SRPX: variants seen among roughly 807,000 people sequenced by gnomAD.
The protein encoded by SRPX is sushi repeat containing protein X-linked.
A neutral mutation model predicts 38.1 loss-of-function variants in SRPX; 24 were observed. That is an observed-to-expected ratio of 0.63 (90% CI 0.46 to 0.89). The LOEUF (loss-of-function observed/expected upper bound fraction) is 0.89. Among genes scored for constraint, SRPX ranks in the 40% least tolerant of loss-of-function variants. The pLI is 0.00. For missense variants in SRPX, 416 were observed against 377.8 expected, an observed-to-expected ratio of 1.10 and a Z score of -0.84; for synonymous variants, 184 against 153.8, an observed-to-expected ratio of 1.20 and a Z score of -1.45.
intron 8 of SRPX, among the ~76,000 whole-genome samples, chrX:38,155,642 G>A (rs1230356955): frequency 3.6e-5 from 4 of 112,365 alleles, no homozygotes; most frequent in African/African-American, 1.3e-4. Flanking sequence ...TTAATTTACC[G>A]AAACTAGCCA....
rs777541665 is a variant in SRPX at position 38,160,979 on chromosome X, G to A, written c.729C>T (p.Asp243=). The A allele has an allele frequency of 8.3e-6, 10 of 1,210,489 alleles. No homozygotes were observed. The South Asian group carries it at 1.6e-4, about 19-fold the overall frequency. Residue 243 remains aspartate (D), a synonymous_variant, in exon 6 of 10, where the codon GAC becomes GAT. Transcript: ENST00000378533. ...TGCAAGTGCCCTTATTCTCAGCTCT[G>A]TCATAGACTGTGTACTGGATCTTGT... ...GDHKIQYTVY[D]RAENKGTCKF...
At chrX:38,220,464 C>G (rs1038677425) in intron 1 of SRPX, among the ~76,000 whole-genome samples, 4 of 113,767 alleles carry the variant, frequency 3.5e-5, no homozygotes, top group Non-Finnish European at 5.6e-5. Flanking sequence ...CTAGGGCTCC[C>G]GTCGCCGCGA....
intron 5 of SRPX, among the ~76,000 whole-genome samples, chrX:38,161,964 G>A (rs941753634): frequency 8.9e-6 from 1 of 112,156 alleles, no homozygotes; most frequent in Admixed American, 9.5e-5. Flanking sequence ...TGTCACCATT[G>A]AGGAAAGCCT....
intron 1 of SRPX, among the ~76,000 whole-genome samples, chrX:38,185,344 A>G (rs1419932858): frequency 8.9e-6 from 1 of 112,079 alleles, no homozygotes; most frequent in Admixed American, 9.5e-5. Context: ...ATTTTGTACT[A>G]TTGGAAGCCA....
At position 38,173,598 on chromosome X, in the gene SRPX, C is replaced by T. The variant is rs192388696; in HGVS notation, c.349+562G>A. ...CTGAGTAGCTGGGATTACAGATGCA[C>T]GCTGCCACACCCAGCTAATTTTTTG... On this transcript the variant is annotated intron_variant, in intron 3 of 9. Coordinates refer to ENST00000378533, the MANE Select transcript of SRPX (RefSeq NM_006307.5). 6.3e-5 allele frequency among the ~76,000 whole-genome samples: 7 copies of T among 111,196 alleles called. No individual in the cohort carries two copies. The East Asian group carries it at 1.7e-3, about 27-fold the overall frequency.
At chrX:38,158,417 T>A (rs913838633) in intron 7 of SRPX, among the ~76,000 whole-genome samples, 13 of 112,103 alleles carry the variant, frequency 1.2e-4, no homozygotes, top group Non-Finnish European at 2.3e-4. Context: ...TGATTTATAA[T>A]CTTGGTTTTC....
intron 5 of SRPX, among the ~76,000 whole-genome samples, chrX:38,161,357 G>A (rs1235445414): frequency 1.8e-5 from 2 of 109,666 alleles, no homozygotes; most frequent in African/African-American, 6.7e-5. Flanking sequence ...TAGGGCCCAA[G>A]TCTCCTCCTT....
chrX:38,162,855 T>C (rs1938289425), intron 5 of SRPX, among the ~76,000 whole-genome samples: 2 of 112,616 alleles, frequency 1.8e-5, no homozygotes, highest in South Asian at 7.4e-4. Flanking sequence ...CTCCTAACCA[T>C]ATTACGCAAG....
At chrX:38,184,138 T>C (rs886517102) in intron 1 of SRPX, among the ~76,000 whole-genome samples, 3 of 111,477 alleles carry the variant, frequency 2.7e-5, no homozygotes, top group Admixed American at 1.9e-4. Flanking sequence ...AGAGTGTTCC[T>C]GCTATCACGC....
At position 38,160,750 on chromosome X, in the gene SRPX, G is replaced by A. The variant is rs146625379; in HGVS notation, c.775+183C>T. On this transcript the variant is annotated intron_variant, in intron 6 of 9. Coordinates refer to ENST00000378533, the MANE Select transcript of SRPX (RefSeq NM_006307.5). Reference sequence around the variant, plus strand: ...AATCTGGCAACACTGACGCCCATCCGGATGTGTATCGTGAAATTCAGGCAT... The same window carrying A: ...AATCTGGCAACACTGACGCCCATCCAGATGTGTATCGTGAAATTCAGGCAT... 3.5e-3 allele frequency among the ~76,000 whole-genome samples: 390 copies of A among 111,278 alleles called. 1 individual carries two copies. The highest frequency in any genetic ancestry group is 4.0e-3 in the Non-Finnish European group (214 of 53,031).
At chrX:38,188,938 C>A (rs760247577) in intron 1 of SRPX, among the ~76,000 whole-genome samples, 1 of 112,037 alleles carries the variant, frequency 8.9e-6, no homozygotes, top group East Asian at 2.8e-4. Flanking sequence ...TCGGTTTCCT[C>A]CCTCAGAATG....
At chrX:38,209,730 C>A (rs1304152094) in intron 1 of SRPX, among the ~76,000 whole-genome samples, 1 of 112,544 alleles carries the variant, frequency 8.9e-6, no homozygotes, top group Non-Finnish European at 1.9e-5. Flanking sequence ...ACCCCAAGGG[C>A]TGTTCCCCAG....
chrX:38,203,140 A>G (rs1472692751), intron 1 of SRPX, among the ~76,000 whole-genome samples: 4 of 112,061 alleles, frequency 3.6e-5, no homozygotes, highest in South Asian at 3.8e-4. Flanking sequence ...CAATTAATCA[A>G]TGCAACCCAT....
chrX:38,212,505 G>A (rs1321517698), intron 1 of SRPX, among the ~76,000 whole-genome samples: 1 of 111,747 alleles, frequency 8.9e-6, no homozygotes, highest in Non-Finnish European at 1.9e-5. Context: ...AAGAATCATT[G>A]GAAGGATCTT....
chrX:38,198,331 G>A (rs1939036456), intron 1 of SRPX, among the ~76,000 whole-genome samples: 2 of 112,059 alleles, frequency 1.8e-5, no homozygotes. Context: ...TAAAAGAAAT[G>A]TGGGGAGGGA....
intron 1 of SRPX, among the ~76,000 whole-genome samples, chrX:38,219,535 TAA>T (rs1939477454): frequency 9.0e-6 from 1 of 111,631 alleles, no homozygotes; most frequent in Non-Finnish European, 1.9e-5. Flanking sequence ...GCTTAAAACT[TAA>T]GAGTCAGCTC....
chrX:38,151,417 T>C (rs1938011679), intron 9 of SRPX, among the ~76,000 whole-genome samples: 1 of 111,690 alleles, frequency 9.0e-6, no homozygotes. Context: ...AACAGAGGAA[T>C]AGGGAATGTG....
At chrX:38,165,800 T>C (rs1938356293) in intron 4 of SRPX, among the ~76,000 whole-genome samples, 1 of 112,224 alleles carries the variant, frequency 8.9e-6, no homozygotes, top group Non-Finnish European at 1.9e-5. Flanking sequence ...TATGGTTTTA[T>C]GTTCTGGGAC....
chrX:38,208,646 C>G (rs775164570), intron 1 of SRPX, among the ~76,000 whole-genome samples: 187 of 110,565 alleles, frequency 1.7e-3, no homozygotes, highest in African/African-American at 5.8e-3. Flanking sequence ...TTTTATGCCT[C>G]TATTTGAATA....
Sources: gnomAD v4.1 joint callset for allele counts (sites outside exome capture counted in the v4.1 genomes callset) on GRCh38, gnomAD v4.1.1 for gene constraint, MANE v1.5 for transcripts, NCBI Gene and HGNC (gene_info 2026-07-23, HGNC 2026-07-21) for gene names.